Variants in HOMER1 observed in about 807,000 individuals in gnomAD.
HOMER1 encodes the protein homer protein homolog 1.
Under a neutral mutation model 48.9 loss-of-function variants are expected in HOMER1, and 3 were observed. The observed-to-expected ratio is 0.06, with a 90% CI of 0.03 to 0.16. The LOEUF (loss-of-function observed/expected upper bound fraction) is 0.16, where lower values mean the gene tolerates loss of function less well. HOMER1 is among the 10% of genes least tolerant of loss of function. HOMER1 has a pLI of 1.00. For synonymous variants in HOMER1, 134 were observed against 146.4 expected, an observed-to-expected ratio of 0.92 and a Z score of 0.61; for missense variants, 247 against 411.4, an observed-to-expected ratio of 0.60 and a Z score of 3.46.
At chr5:79,404,991 G>C (rs903708359) in intron 5 of HOMER1, among the ~76,000 whole-genome samples, 14 of 152,030 alleles carry the variant, frequency 9.2e-5, no homozygotes, top group African/African-American at 3.4e-4. Flanking sequence ...TTACAGGCAT[G>C]AGCCATCGTG....
At position 79,408,225 on chromosome 5, in the gene HOMER1, A is replaced by T. The variant is rs567739598; in HGVS notation, c.528-6170T>A. Among the ~76,000 whole-genome samples the T allele has an allele frequency of 4.6e-5, 7 of 152,342 alleles. No individual in the cohort carries two copies. In the South Asian group the frequency reaches 1.5e-3, roughly 32 times the overall value. ...ACTGCATAGTAATACTTCATCACAG[A>T]TGATGCAATCCAGAAGACAGTGGAG... On this transcript the variant is annotated intron_variant, in intron 5 of 8. Coordinates refer to ENST00000334082, the MANE Select transcript of HOMER1 (RefSeq NM_004272.5).
chr5:79,452,322 ATAT>A (rs1285456029), intron 2 of HOMER1, among the ~76,000 whole-genome samples: 1 of 152,226 alleles, frequency 6.6e-6, no homozygotes, highest in Non-Finnish European at 1.5e-5. Flanking sequence ...ATGTTACTAA[ATAT>A]TAACTTTGGT....
At chr5:79,491,660 C>T (rs936044588) in intron 1 of HOMER1, among the ~76,000 whole-genome samples, 1 of 152,078 alleles carries the variant, frequency 6.6e-6, no homozygotes, top group Non-Finnish European at 1.5e-5. Context: ...CTACTGAACA[C>T]TATCACAGCA....
chr5:79,449,714 A>T (rs1053308718), intron 3 of HOMER1, among the ~76,000 whole-genome samples: 1 of 152,118 alleles, frequency 6.6e-6, no homozygotes, highest in African/African-American at 2.4e-5. Flanking sequence ...GCCTCAAATG[A>T]TCTGCCCTCC....
chr5:79,442,885 T>C (rs1162117600), intron 4 of HOMER1, among the ~76,000 whole-genome samples: 1 of 152,202 alleles, frequency 6.6e-6, no homozygotes, highest in African/African-American at 2.4e-5. Context: ...CAGTCATACA[T>C]TTTTCCTATA....
chr5:79,487,026 A>G (rs901623018), intron 1 of HOMER1, among the ~76,000 whole-genome samples: 1 of 152,234 alleles, frequency 6.6e-6, no homozygotes, highest in African/African-American at 2.4e-5. Flanking sequence ...CATGCCTGTA[A>G]TGCCAGCACT....
intron 5 of HOMER1, among the ~76,000 whole-genome samples, chr5:79,406,038 G>C (rs143295752): frequency 4.0e-4 from 61 of 152,266 alleles, no homozygotes; most frequent in African/African-American, 1.3e-3. Context: ...TGGTATTCCT[G>C]AACTAGTTGC....
At chr5:79,413,446 A>C (rs1749860063) in intron 5 of HOMER1, among the ~76,000 whole-genome samples, 1 of 152,118 alleles carries the variant, frequency 6.6e-6, no homozygotes, top group Non-Finnish European at 1.5e-5. Flanking sequence ...AAACATTAAA[A>C]ATATATATAT....
At chr5:79,476,549 T>C (rs1013062497) in intron 1 of HOMER1, among the ~76,000 whole-genome samples, 3 of 152,276 alleles carry the variant, frequency 2.0e-5, no homozygotes, top group Non-Finnish European at 2.9e-5. Context: ...TCTACTGCCC[T>C]CTCTTTGAGT....
At chr5:79,396,777 A>G (rs1338293847) in intron 8 of HOMER1, 46 bp downstream of exon 8, 1 of 1,106,832 alleles carries the variant, frequency 9.0e-7, no homozygotes, top group Admixed American at 2.0e-5. Flanking sequence ...TGAAAAAATG[A>G]TGCCTTTCTA....
At position 79,512,874 on chromosome 5, in the gene HOMER1, C is replaced by G; in HGVS notation, c.-100G>C. 9.3e-7 allele frequency: 1 copy of G among 1,073,412 alleles called. No homozygotes were observed. Among genetic ancestry groups the G allele is most frequent in the Non-Finnish European group, 1.4e-6 (1 of 693,250 alleles). 66.5% of individuals were successfully genotyped at this position (1,073,412 alleles called of 1,614,324 possible). On this transcript the variant is annotated 5_prime_UTR_variant, in exon 1 of 9. Transcript: ENST00000334082. Reference sequence around the variant, plus strand: ...TGCTATTTCGCAGTTGCTTTTCCACCCCCACCCCCAGATCCTTGTCCGGAG... The same window carrying G: ...TGCTATTTCGCAGTTGCTTTTCCACGCCCACCCCCAGATCCTTGTCCGGAG...
chr5:79,501,383 G>A (rs1369687791), intron 1 of HOMER1, among the ~76,000 whole-genome samples: 1 of 152,158 alleles, frequency 6.6e-6, no homozygotes, highest in Non-Finnish European at 1.5e-5. Flanking sequence ...TTATTGATAA[G>A]GCTTCCAGTC....
rs1206160162 is a variant in HOMER1 at position 79,513,265 on chromosome 5, T to C, written c.-491A>G. The C allele has an allele frequency of 6.3e-6, 1 of 157,582 alleles. No individual in the cohort carries two copies. Among genetic ancestry groups the C allele is most frequent in the Non-Finnish European group, 1.4e-5 (1 of 71,942 alleles). The allele number at this position is 157,582 out of a possible 1,614,324, so 9.8% of individuals were successfully genotyped here. The stretch of plus-strand genomic sequence containing the variant: ...AACGCGACGTGCACGTGAATAAAAA[T>C]CCCAAAAGCAGTAATGCCACGGCTT... On this transcript the variant is annotated 5_prime_UTR_variant, in exon 1 of 9. Transcript: ENST00000334082.
At chr5:79,496,905 A>G (rs935206244) in intron 1 of HOMER1, among the ~76,000 whole-genome samples, 10 of 151,736 alleles carry the variant, frequency 6.6e-5, no homozygotes, top group African/African-American at 2.4e-4. Flanking sequence ...TCTCTACTAA[A>G]AAATACAAAA....
Position 79,450,970 on chromosome 5 carries a change from A to T in HOMER1, c.294+20T>A. 1 of 1,607,730 alleles carries T rather than the reference A, an allele frequency of 6.2e-7. No homozygotes were observed. On this transcript the variant is annotated intron_variant, in intron 3 of 8. Coordinates refer to ENST00000334082, the MANE Select transcript of HOMER1 (RefSeq NM_004272.5). ...ACTTGAAGATGAAGATTTTCATTCA[A>T]ATTTTATGATTTAACTCACTTTCGA...
intron 1 of HOMER1, among the ~76,000 whole-genome samples, chr5:79,471,551 GAAAAAAAAAA>G (rs55724615): frequency 1.5e-4 from 15 of 97,680 alleles, no homozygotes; most frequent in South Asian, 1.1e-3. Context: ...CCATCTCAAA[GAAAAAAAAAA>G]AAAAAAAAAA....
At chr5:79,468,046 G>A (rs547272611) in intron 1 of HOMER1, among the ~76,000 whole-genome samples, 97 of 152,222 alleles carry the variant, frequency 6.4e-4, no homozygotes, top group Non-Finnish European at 1.2e-3. Context: ...AAAGTGCTGC[G>A]ATTAAAGGTA....
intron 5 of HOMER1, among the ~76,000 whole-genome samples, chr5:79,413,431 T>A (rs1749857592): frequency 1.3e-5 from 2 of 152,164 alleles, no homozygotes; most frequent in Non-Finnish European, 2.9e-5. Context: ...GGAAATTGTA[T>A]CTTTAAACAT....
intron 1 of HOMER1, among the ~76,000 whole-genome samples, chr5:79,462,728 G>C (rs1204070283): frequency 6.6e-6 from 1 of 152,180 alleles, no homozygotes; most frequent in East Asian, 1.9e-4. Context: ...CACTTGGATA[G>C]CTCTGATTTT....
Sources: allele counts gnomAD v4.1 joint callset (sites outside exome capture counted in the v4.1 genomes callset), GRCh38; gene constraint gnomAD v4.1.1; transcripts MANE v1.5; gene names NCBI Gene and HGNC (gene_info 2026-07-23, HGNC 2026-07-21).